Variants in TRAPPC12 observed in about 807,000 individuals in gnomAD.
TRAPPC12 encodes the protein trafficking protein particle complex subunit 12.
In TRAPPC12, 61 loss-of-function variants were observed where a neutral mutation model predicts 69.2. The ratio of observed to expected loss-of-function variants is 0.88; its 90% CI spans 0.72 to 1.09. TRAPPC12 has a LOEUF of 1.09. Ranked by LOEUF, TRAPPC12 falls within the 50% of genes least tolerant of loss-of-function variation. The pLI, the probability that TRAPPC12 is intolerant of heterozygous loss-of-function variation, is 0.00. For synonymous variants in TRAPPC12, 469 were observed against 438.9 expected (o/e 1.07, Z -0.86); for missense variants, 1,101 against 1,016.4 (o/e 1.08, Z -1.13).
At chr2:3,384,072 A>T (rs1406946247) in intron 1 of TRAPPC12, among the ~76,000 whole-genome samples, 3 of 150,872 alleles carry the variant, frequency 2.0e-5, no homozygotes, top group Admixed American at 1.3e-4. Flanking sequence ...ATTTTTGTAT[A>T]TTTAGTAGAG....
rs1558399467 is a variant in TRAPPC12 at position 3,458,055 on chromosome 2, TCGGGGACAGAGGCC to T, written c.1603+363_1603+376del. ...TGCGTCGGGGAGAGAGGCCTCTGCGTCGGGGACAGAGGCCTCTGCGTCGGGGACAGAGGCTCGGG... is the reference window on the plus strand; with the variant it reads ...TGCGTCGGGGAGAGAGGCCTCTGCGTTCTGCGTCGGGGACAGAGGCTCGGG... On this transcript the variant is annotated intron_variant, in intron 7 of 11. Coordinates refer to ENST00000324266, the MANE Select transcript of TRAPPC12 (RefSeq NM_016030.6). The T allele has an allele frequency of 6.5e-3, 2,367 of 362,764 alleles. 36 individuals carry two copies. In the African/African-American group the frequency reaches 0.32, roughly 49 times the overall value. 22.5% of individuals were successfully genotyped at this position (362,764 alleles called of 1,614,324 possible).
At chr2:3,404,160 TTGTGTGAGGGCC>T (rs1480368477) in intron 3 of TRAPPC12, among the ~76,000 whole-genome samples, 1 of 152,110 alleles carries the variant, frequency 6.6e-6, no homozygotes, top group Non-Finnish European at 1.5e-5. Context: ...CAGATCGCGG[TTGTGTGAGGGCC>T]TTTCCGAAGC....
chr2:3,474,145 C>T (rs1666188357), intron 9 of TRAPPC12, among the ~76,000 whole-genome samples: 1 of 152,218 alleles, frequency 6.6e-6, no homozygotes, highest in Admixed American at 6.5e-5. Flanking sequence ...GAGCTCTCCC[C>T]CACCCCTCAG....
intron 5 of TRAPPC12, 64 bp downstream of exon 5, chr2:3,424,727 A>G: frequency 2.7e-6 from 4 of 1,479,294 alleles, no homozygotes; most frequent in Non-Finnish European, 3.6e-6. Flanking sequence ...GCTTTGATTT[A>G]TACATAATTT....
At chr2:3,384,014 G>A (rs1323430892) in intron 1 of TRAPPC12, among the ~76,000 whole-genome samples, 3 of 147,622 alleles carry the variant, frequency 2.0e-5, no homozygotes, top group South Asian at 4.3e-4. Context: ...TCCTGCCTCA[G>A]TATCCCAAGT....
chr2:3,442,095 CGG>C lies in TRAPPC12; in HGVS notation c.1418-1683_1418-1682del, dbSNP rs1558386113. ...TAACAGCTAGTCTATAAATTGAGATCGGAGTATTAACAGCTAGTCTGTACGTT... is the reference window on the plus strand; with the variant it reads ...TAACAGCTAGTCTATAAATTGAGATCAGTATTAACAGCTAGTCTGTACGTT... On this transcript the variant is annotated intron_variant, in intron 5 of 11. Transcript: ENST00000324266. Among the ~76,000 whole-genome samples, 196 of 107,298 alleles carry C rather than the reference CGG, an allele frequency of 1.8e-3. 1 individual carries two copies. The highest frequency in any genetic ancestry group is 2.7e-3 in the Non-Finnish European group (131 of 48,170). 70.4% of individuals were successfully genotyped at this position (107,298 alleles called of 152,430 possible). A position where few individuals can be genotyped will look rare whatever the true frequency, so the allele number is the denominator to read the frequency against.
intron 3 of TRAPPC12, among the ~76,000 whole-genome samples, chr2:3,419,259 G>A (rs976842589): frequency 7.2e-5 from 11 of 152,126 alleles, no homozygotes; most frequent in Non-Finnish European, 1.0e-4. Context: ...TACAGAATCT[G>A]CCTAGATGCA....
At chr2:3,448,400 T>G (rs995122317) in intron 6 of TRAPPC12, among the ~76,000 whole-genome samples, 6 of 152,130 alleles carry the variant, frequency 3.9e-5, no homozygotes, top group Non-Finnish European at 7.4e-5. Context: ...CTTGAACAGT[T>G]CCAGAAATTT....
intron 9 of TRAPPC12, among the ~76,000 whole-genome samples, chr2:3,475,791 TC>T: frequency 6.6e-6 from 1 of 152,276 alleles, no homozygotes; most frequent in Non-Finnish European, 1.5e-5. Context: ...GTCTCATCTT[TC>T]CAAGCCCGAC....
intron 2 of TRAPPC12, among the ~76,000 whole-genome samples, chr2:3,389,164 T>C (rs1660677845): frequency 6.6e-6 from 1 of 152,220 alleles, no homozygotes; most frequent in Non-Finnish European, 1.5e-5. Context: ...TCACTACTAA[T>C]GAAAGACAAT....
intron 9 of TRAPPC12, among the ~76,000 whole-genome samples, chr2:3,476,521 C>A (rs1666296678): frequency 6.6e-6 from 1 of 152,186 alleles, no homozygotes; most frequent in Non-Finnish European, 1.5e-5. Flanking sequence ...GCCCTTTGCC[C>A]CAGAGGGATG....
At chr2:3,474,430 A>T (rs535107117) in intron 9 of TRAPPC12, among the ~76,000 whole-genome samples, 97 of 152,296 alleles carry the variant, frequency 6.4e-4, no homozygotes, top group African/African-American at 2.3e-3. Context: ...TCAAGTGTTC[A>T]TCTCCTTTGG....
At chr2:3,419,770 A>G (rs957517764) in intron 3 of TRAPPC12, among the ~76,000 whole-genome samples, 1 of 152,192 alleles carries the variant, frequency 6.6e-6, no homozygotes, top group Non-Finnish European at 1.5e-5. Flanking sequence ...TGGCAGGTAC[A>G]GTGAAAGGAA....
intron 3 of TRAPPC12, 140 bp from the exon 4 acceptor site, chr2:3,421,741 A>G (rs1367083272): frequency 1.3e-6 from 1 of 775,700 alleles, no homozygotes; most frequent in Non-Finnish European, 2.3e-6. Flanking sequence ...CAGCACACTG[A>G]CGTTGTCACC....
chr2:3,439,076 A>C (rs1381582399), intron 5 of TRAPPC12, among the ~76,000 whole-genome samples: 5 of 152,170 alleles, frequency 3.3e-5, no homozygotes, highest in Admixed American at 6.5e-5. Context: ...AATCAATGAG[A>C]GTTCCTATTG....
Position 3,414,432 on chromosome 2 carries a change from G to T in TRAPPC12, c.1165-7449G>T, listed in dbSNP as rs1456314362. On this transcript the variant is annotated intron_variant, in intron 3 of 11. Coordinates refer to ENST00000324266, the MANE Select transcript of TRAPPC12 (RefSeq NM_016030.6). The surrounding 1 kb of genome is among the most constrained non-coding windows in gnomAD (Gnocchi z 4.9). ...TTAGAATTCATTCTCTCCCTTCAAA[G>T]CCCCCCGGGTTCTTGTCCTCCCCCC... Among the ~76,000 whole-genome samples the T allele has an allele frequency of 6.6e-6, 1 of 151,808 alleles. No homozygotes were observed. The highest frequency in any genetic ancestry group is 1.9e-4 in the East Asian group (1 of 5,136).
chr2:3,442,968 A>G (rs1040790005), intron 5 of TRAPPC12, among the ~76,000 whole-genome samples: 1 of 152,208 alleles, frequency 6.6e-6, no homozygotes, highest in East Asian at 1.9e-4. Context: ...AGTGCACGCT[A>G]TTTGATTTTT....
At chr2:3,381,829 G>A (rs887467508) in intron 1 of TRAPPC12, among the ~76,000 whole-genome samples, 1 of 152,182 alleles carries the variant, frequency 6.6e-6, no homozygotes, top group Non-Finnish European at 1.5e-5. Flanking sequence ...TAAAGTGGCT[G>A]TTACTATATC....
intron 3 of TRAPPC12, among the ~76,000 whole-genome samples, chr2:3,402,528 G>A (rs1661503098): frequency 6.6e-6 from 1 of 152,066 alleles, no homozygotes; most frequent in Non-Finnish European, 1.5e-5. Context: ...CCGGGAGGTG[G>A]AGGTTGCAGT....
Sources: gnomAD v4.1 joint callset for allele counts (sites outside exome capture counted in the v4.1 genomes callset) on GRCh38, gnomAD v4.1.1 for gene constraint, Gnocchi (gnomAD v3.1) non-coding constraint, MANE v1.5 for transcripts, NCBI Gene and HGNC (gene_info 2026-07-23, HGNC 2026-07-21) for gene names.